TMCO4: variants seen among roughly 807,000 people sequenced by gnomAD.
TMCO4 encodes transmembrane and coiled-coil domains 4, also known as transmembrane and coiled-coil domain-containing protein 4.
Under a neutral mutation model 64.7 loss-of-function variants are expected in TMCO4, and 58 were observed. The ratio of observed to expected loss-of-function variants is 0.90; its 90% CI spans 0.73 to 1.12. The LOEUF (loss-of-function observed/expected upper bound fraction) is 1.12. Among genes scored for constraint, TMCO4 ranks in the 50% most tolerant of loss-of-function variants. The pLI is 0.00. For synonymous variants in TMCO4, 325 were observed against 346.1 expected, an observed-to-expected ratio of 0.94 and a Z score of 0.68; for missense variants, 780 against 825.9, an observed-to-expected ratio of 0.94 and a Z score of 0.68.
chr1:19,766,585 C>A (rs2042745104), intron 6 of TMCO4, among the ~76,000 whole-genome samples: 1 of 152,144 alleles, frequency 6.6e-6, no homozygotes, highest in Non-Finnish European at 1.5e-5. Context: ...ACACTCACAG[C>A]CCGTGCCCTG....
In TMCO4 at chr1:19,683,388, G is replaced by A. The variant is rs2095119388; in HGVS notation, c.1557C>T (p.Gly519=). 6.2e-7 allele frequency: 1 copy of A among 1,613,618 alleles called. No individual in the cohort carries two copies. Among genetic ancestry groups the A allele is most frequent in the Non-Finnish European group, 8.5e-7 (1 of 1,180,028 alleles). The change falls in exon 16 of 16, where the codon GGC becomes GGT. Residue 519 remains glycine (G), a synonymous_variant. Coordinates refer to ENST00000294543, the MANE Select transcript of TMCO4 (RefSeq NM_181719.7). ...CGTCCCAGCCTGGCTTGGTGCGGAT[G>A]CCCACGGCCTTCAGGATGGCATCCA... The part of the protein sequence containing the change: ...KQMDAILKAV[G]IRTKPGWDEK...
At chr1:19,770,385 G>A (rs2042928472) in intron 6 of TMCO4, among the ~76,000 whole-genome samples, 157 bp downstream of exon 6, 1 of 152,130 alleles carries the variant, frequency 6.6e-6, no homozygotes, top group Admixed American at 6.5e-5. Flanking sequence ...ATGAATGAAG[G>A]GCTCACCAGC....
At chr1:19,785,703 C>A (rs2043703199) in intron 3 of TMCO4, among the ~76,000 whole-genome samples, 1 of 152,172 alleles carries the variant, frequency 6.6e-6, no homozygotes, top group Non-Finnish European at 1.5e-5. Context: ...AGAACCGAGA[C>A]ACACACTCAG....
intron 4 of TMCO4, among the ~76,000 whole-genome samples, chr1:19,779,001 C>T (rs865776303): frequency 6.6e-6 from 1 of 152,094 alleles, no homozygotes; most frequent in Non-Finnish European, 1.5e-5. Flanking sequence ...GGCTTCCTGG[C>T]GGTAACCCCC....
At chr1:19,762,484 C>A (rs1275309807) in intron 6 of TMCO4, among the ~76,000 whole-genome samples, 1 of 152,172 alleles carries the variant, frequency 6.6e-6, no homozygotes, top group Non-Finnish European at 1.5e-5. Context: ...GCCAACTGGT[C>A]CCCCTGCTTC....
At chr1:19,694,182 T>C (rs1273322602) in intron 15 of TMCO4, among the ~76,000 whole-genome samples, 2 of 152,142 alleles carry the variant, frequency 1.3e-5, no homozygotes, top group Non-Finnish European at 2.9e-5. Flanking sequence ...AAAAATTTTT[T>C]ATAGAGATAG....
chr1:19,740,760 C>G lies in TMCO4; in HGVS notation c.1042+17G>C, dbSNP rs200907576. On this transcript the variant is annotated intron_variant, in intron 11 of 15. Transcript: ENST00000294543. ...CAGTGGGCATGCTGTTGTTGGGGGGCAGGTGGGGGCACTTACCAGACAACA... is the reference window on the plus strand; with the variant it reads ...CAGTGGGCATGCTGTTGTTGGGGGGGAGGTGGGGGCACTTACCAGACAACA... 6.9e-6 allele frequency: 11 copies of G among 1,596,516 alleles called. No individual in the cohort carries two copies. Among genetic ancestry groups the G allele is most frequent in the Admixed American group, 5.1e-5 (3 of 58,438 alleles).
chr1:19,756,852 G>A (rs2042276964), intron 6 of TMCO4, among the ~76,000 whole-genome samples: 1 of 151,800 alleles, frequency 6.6e-6, no homozygotes, highest in African/African-American at 2.4e-5. Context: ...GAATAAAAAA[G>A]ACACAGTTCT....
chr1:19,683,505 C>A, intron 15 of TMCO4, 61 bp from the exon 16 acceptor site: 1 of 1,573,958 alleles, frequency 6.4e-7, no homozygotes, highest in Non-Finnish European at 8.6e-7. Context: ...TCCCCAGGGA[C>A]CTCCGGCCAA....
intron 13 of TMCO4, among the ~76,000 whole-genome samples, chr1:19,725,695 C>T (rs1222349745): frequency 6.6e-6 from 1 of 152,170 alleles, no homozygotes; most frequent in Non-Finnish European, 1.5e-5. Context: ...GGGGATTGTT[C>T]ATTGCTAGGA....
At chr1:19,763,241 A>G (rs1460625318) in intron 6 of TMCO4, among the ~76,000 whole-genome samples, 1 of 151,906 alleles carries the variant, frequency 6.6e-6, no homozygotes, top group African/African-American at 2.4e-5. Context: ...ATGCCTGGTA[A>G]CTTTTTGTAT....
chr1:19,741,443 T>C (rs2095478574), intron 10 of TMCO4, among the ~76,000 whole-genome samples: 1 of 152,092 alleles, frequency 6.6e-6, no homozygotes, highest in South Asian at 2.1e-4. Flanking sequence ...AGCTAGAAAT[T>C]TGGGGAAGAG....
chr1:19,785,564 C>G (rs1467065616), intron 3 of TMCO4, among the ~76,000 whole-genome samples: 4 of 152,176 alleles, frequency 2.6e-5, no homozygotes, highest in African/African-American at 9.7e-5. Flanking sequence ...TAGGGCAGAT[C>G]AGAGGATGAA....
rs762432096 is a variant in TMCO4 at position 19,734,406 on chromosome 1, G to T, written c.1264+2966C>A. On this transcript the variant is annotated intron_variant, in intron 13 of 15. Transcript: ENST00000294543. The surrounding 1 kb of genome is among the most constrained non-coding windows in gnomAD (Gnocchi z 4.4). ...TGTGTGTGTGAGTGTGCATATGTGC[G>T]CATGTGTGTGAACTGTAGGGTGCCC... Among the ~76,000 whole-genome samples the T allele has an allele frequency of 1.3e-5, 2 of 152,134 alleles. No homozygotes were observed. Among genetic ancestry groups the T allele is most frequent in the Non-Finnish European group, 2.9e-5 (2 of 68,010 alleles).
intron 13 of TMCO4, among the ~76,000 whole-genome samples, chr1:19,705,659 C>T (rs2095299128): frequency 6.6e-6 from 1 of 151,938 alleles, no homozygotes; most frequent in South Asian, 2.1e-4. Context: ...CTTAGACCCA[C>T]CCAAGGTAGA....
intron 2 of TMCO4, among the ~76,000 whole-genome samples, chr1:19,792,832 G>A (rs562269368): frequency 2.7e-4 from 39 of 146,530 alleles, no homozygotes; most frequent in African/African-American, 6.4e-4. Flanking sequence ...GTGCAGTGGC[G>A]CAATCTGGGC....
chr1:19,745,322 A>T, intron 10 of TMCO4: 2 of 698,158 alleles, frequency 2.9e-6, no homozygotes, highest in Non-Finnish European at 4.6e-6. Flanking sequence ...GTGGATGGAC[A>T]GGTGGGTAGG....
At chr1:19,685,791 T>G (rs10799832) in intron 15 of TMCO4, among the ~76,000 whole-genome samples, 106,315 of 149,314 alleles carry the variant, frequency 0.71, 38,530 homozygotes, top group Non-Finnish European at 0.78. Context: ...TTGGCTCACT[T>G]TAAGCTCTGC....
intron 13 of TMCO4, among the ~76,000 whole-genome samples, chr1:19,725,157 C>G (rs1209203570): frequency 6.6e-6 from 1 of 152,128 alleles, no homozygotes; most frequent in Non-Finnish European, 1.5e-5. Context: ...GATGGGGAAG[C>G]CAGGATTGAC....
Sources: allele counts gnomAD v4.1 joint callset (sites outside exome capture counted in the v4.1 genomes callset), GRCh38; gene constraint gnomAD v4.1.1; non-coding constraint Gnocchi (gnomAD v3.1); transcripts MANE v1.5; gene names NCBI Gene and HGNC (gene_info 2026-07-23, HGNC 2026-07-21).